The following HOMER1 variants were observed in gnomAD, a reference collection of about 807,000 sequenced individuals.
HOMER1 encodes homer protein homolog 1.
A neutral mutation model predicts 48.9 loss-of-function variants in HOMER1; 3 were observed. The ratio of observed to expected loss-of-function variants is 0.06; its 90% CI spans 0.03 to 0.16. The LOEUF is 0.16. Ranked by LOEUF, HOMER1 falls within the 10% of genes least tolerant of loss-of-function variation. HOMER1 has a pLI of 1.00. For missense variants in HOMER1, 247 were observed against 411.4 expected (o/e 0.60, Z 3.46); for synonymous variants, 134 against 146.4 (o/e 0.92, Z 0.61).
intron 5 of HOMER1, among the ~76,000 whole-genome samples, chr5:79,402,837 TTTTGA>T (rs1413609510): frequency 2.0e-5 from 3 of 152,354 alleles, no homozygotes; most frequent in Admixed American, 2.0e-4. Flanking sequence ...TTGAAATTGT[TTTTGA>T]TTTATTTCAT....
At chr5:79,485,525 G>C (rs1246164388) in intron 1 of HOMER1, among the ~76,000 whole-genome samples, 3 of 152,178 alleles carry the variant, frequency 2.0e-5, no homozygotes, top group Non-Finnish European at 4.4e-5. Flanking sequence ...TCCTTAGTGC[G>C]AATGTAATAC....
chr5:79,463,773 A>G (rs1415519844), intron 1 of HOMER1, among the ~76,000 whole-genome samples: 1 of 152,200 alleles, frequency 6.6e-6, no homozygotes, highest in East Asian at 1.9e-4. Flanking sequence ...AAATTGTAGA[A>G]CCAACAGAGC....
intron 4 of HOMER1, among the ~76,000 whole-genome samples, chr5:79,441,958 T>C (rs1011200492): frequency 1.4e-5 from 2 of 145,398 alleles, no homozygotes; most frequent in Admixed American, 7.0e-5. Flanking sequence ...CTTCAGTTAT[T>C]CTTTTTTGGG....
At chr5:79,391,652 A>G (rs551818219) in intron 8 of HOMER1, among the ~76,000 whole-genome samples, 95 of 151,834 alleles carry the variant, frequency 6.3e-4, no homozygotes, top group Admixed American at 2.3e-3. Flanking sequence ...AGGCTGAGGC[A>G]GAATAGCTTG....
At chr5:79,400,171 T>C (rs1420140743) in intron 6 of HOMER1, among the ~76,000 whole-genome samples, 1 of 152,118 alleles carries the variant, frequency 6.6e-6, no homozygotes, top group Non-Finnish European at 1.5e-5. Context: ...TAAGTATTTA[T>C]ATTCACATTG....
At chr5:79,498,831 TCCA>T (rs1580037101) in intron 1 of HOMER1, among the ~76,000 whole-genome samples, 3 of 142,170 alleles carry the variant, frequency 2.1e-5, no homozygotes, top group Admixed American at 7.1e-5. Context: ...CTTGCAGGTC[TCCA>T]CTTTTTTTTT....
At chr5:79,454,983 C>T (rs1751130010) in intron 2 of HOMER1, among the ~76,000 whole-genome samples, 1 of 151,818 alleles carries the variant, frequency 6.6e-6, no homozygotes, top group Non-Finnish European at 1.5e-5. Flanking sequence ...TTTTTTTTTC[C>T]CCTTAAGAGA....
At chr5:79,417,468 T>C (rs1014629940) in intron 5 of HOMER1, among the ~76,000 whole-genome samples, 5 of 152,208 alleles carry the variant, frequency 3.3e-5, no homozygotes, top group Non-Finnish European at 7.3e-5. Context: ...AAACTGACCA[T>C]TGATTAAAAG....
chr5:79,392,150 AT>A (rs1412564948), intron 8 of HOMER1, among the ~76,000 whole-genome samples: 6 of 152,338 alleles, frequency 3.9e-5, no homozygotes, highest in Middle Eastern at 6.8e-3. Flanking sequence ...TTATATATTT[AT>A]TATACTATAC....
intron 6 of HOMER1, among the ~76,000 whole-genome samples, chr5:79,400,321 T>A (rs1442831419): frequency 6.6e-6 from 1 of 152,012 alleles, no homozygotes; most frequent in African/African-American, 2.4e-5. Context: ...TTTCTAACAT[T>A]TCCACTCTGT....
chr5:79,374,219 T>C lies in HOMER1; in HGVS notation c.*1790A>G, dbSNP rs1748701985. On this transcript the variant is annotated 3_prime_UTR_variant, in exon 9 of 9. Coordinates refer to ENST00000334082, the MANE Select transcript of HOMER1 (RefSeq NM_004272.5). Reference sequence around the variant, plus strand: ...CAGAGAAATATCTCAGCTCTGAGCATGTGTATCTAAATTATTCTCCCTATA... The same window carrying C: ...CAGAGAAATATCTCAGCTCTGAGCACGTGTATCTAAATTATTCTCCCTATA... The C allele has an allele frequency of 6.6e-6, 1 of 152,428 alleles. No homozygotes were observed. The highest frequency in any genetic ancestry group is 1.5e-5 in the Non-Finnish European group (1 of 67,866). 9.4% of individuals were successfully genotyped at this position (152,428 alleles called of 1,614,324 possible).
chr5:79,376,120 T>C lies in HOMER1; in HGVS notation c.954A>G (p.Glu318=). The C allele has an allele frequency of 6.2e-7, 1 of 1,613,832 alleles. No individual in the cohort carries two copies. Among genetic ancestry groups the C allele is most frequent in the Non-Finnish European group, 8.5e-7 (1 of 1,179,796 alleles). ...TCAGGTTATTGCGAAAAGCTTCTTG[T>C]TCATTCTGACTTTTCTCCAGACGTT... ...LEQRLEKSQN[E]QEAFRNNLKT... Residue 318 remains glutamate (E), a synonymous_variant, in exon 9 of 9, where the codon GAA becomes GAG. Coordinates refer to ENST00000334082, the MANE Select transcript of HOMER1 (RefSeq NM_004272.5).
At chr5:79,425,605 T>TA (rs1207224235) in intron 5 of HOMER1, among the ~76,000 whole-genome samples, 2 of 152,070 alleles carry the variant, frequency 1.3e-5, no homozygotes, top group East Asian at 1.9e-4. Flanking sequence ...CTATGGAACC[T>TA]AAGACTTTCT....
At chr5:79,442,546 C>T (rs1750763383) in intron 4 of HOMER1, among the ~76,000 whole-genome samples, 1 of 152,154 alleles carries the variant, frequency 6.6e-6, no homozygotes, top group Non-Finnish European at 1.5e-5. Context: ...CTGCCATGAC[C>T]CACTATACCA....
chr5:79,382,103 T>C (rs764048286), intron 8 of HOMER1, among the ~76,000 whole-genome samples: 21 of 151,764 alleles, frequency 1.4e-4, no homozygotes, highest in Admixed American at 2.6e-4. Context: ...TGAAATAATA[T>C]AGACAAAAAT....
chr5:79,476,532 T>G (rs1751783486), intron 1 of HOMER1, among the ~76,000 whole-genome samples: 1 of 152,140 alleles, frequency 6.6e-6, no homozygotes, highest in Admixed American at 6.5e-5. Context: ...TGGCTTTGAG[T>G]TGGGGTTCTA....
intron 3 of HOMER1, among the ~76,000 whole-genome samples, chr5:79,450,515 A>G (rs968368706): frequency 2.0e-5 from 3 of 152,224 alleles, no homozygotes; most frequent in Admixed American, 1.3e-4. Context: ...TCTGCACTGC[A>G]TCAGAGCTCG....
intron 4 of HOMER1, among the ~76,000 whole-genome samples, chr5:79,445,553 G>A (rs1750851882): frequency 6.6e-6 from 1 of 152,204 alleles, no homozygotes. Flanking sequence ...TAATACTTTT[G>A]TAAAACCTAT....
At chr5:79,501,631 T>C (rs1228525185) in intron 1 of HOMER1, among the ~76,000 whole-genome samples, 2 of 152,256 alleles carry the variant, frequency 1.3e-5, no homozygotes, top group South Asian at 2.1e-4. Flanking sequence ...ATTAAGTCGT[T>C]GTAAACTACT....
Sources: allele counts gnomAD v4.1 joint callset (sites outside exome capture counted in the v4.1 genomes callset), GRCh38; gene constraint gnomAD v4.1.1; transcripts MANE v1.5; gene names NCBI Gene and HGNC (gene_info 2026-07-23, HGNC 2026-07-21).